The following RC3H1 variants were observed in gnomAD, a reference collection of about 807,000 sequenced individuals.
RC3H1 encodes the protein roquin-1.
RC3H1 carries 50 observed loss-of-function variants against 138.2 expected under a neutral mutation model. That is an observed-to-expected ratio of 0.36 (90% CI 0.29 to 0.46). The LOEUF (loss-of-function observed/expected upper bound fraction) is 0.46. RC3H1 is among the 20% of genes least tolerant of loss of function. The probability of loss-of-function intolerance (pLI) is 1.00; values close to 1 mark genes in which losing one functional copy is unlikely to be tolerated. For synonymous variants in RC3H1, 462 were observed against 489.1 expected (o/e 0.94, Z 0.73); for missense variants, 1,031 against 1,388.1 (o/e 0.74, Z 4.09).
intron 13 of RC3H1, among the ~76,000 whole-genome samples, chr1:173,957,699 T>C (rs1235632083): frequency 6.6e-6 from 1 of 151,794 alleles, no homozygotes; most frequent in East Asian, 1.9e-4. Flanking sequence ...GCTGGGACTG[T>C]AGGCGTGTCC....
chr1:173,958,814 G>GC (rs1553226536), intron 13 of RC3H1, among the ~76,000 whole-genome samples: 2 of 145,190 alleles, frequency 1.4e-5, no homozygotes, highest in Non-Finnish European at 3.0e-5. Context: ...TTATTTGACT[G>GC]TTTTTTTTTT....
Position 173,961,812 on chromosome 1 carries a change from T to A in RC3H1, c.2115A>T (p.Val705=). The A allele has an allele frequency of 6.2e-7, 1 of 1,613,798 alleles. No individual in the cohort carries two copies. Among genetic ancestry groups the A allele is most frequent in the Non-Finnish European group, 8.5e-7 (1 of 1,180,010 alleles). ...EIPPAAVPSY[V]PESRERYQQI... is the part of the protein sequence containing the mutation. ...GTTGGTATCTTTCTCTGGATTCTGGTACATACGATGGTACTGCTGCAGGTG... is the reference window on the plus strand; with the variant it reads ...GTTGGTATCTTTCTCTGGATTCTGGAACATACGATGGTACTGCTGCAGGTG... The change falls in exon 12 of 20, where the codon GTA becomes GTT. Residue 705 remains valine, a synonymous_variant. Transcript: ENST00000367696.
chr1:173,963,731 T>C (rs1659976677), intron 11 of RC3H1, among the ~76,000 whole-genome samples: 1 of 152,220 alleles, frequency 6.6e-6, no homozygotes, highest in South Asian at 2.1e-4. Flanking sequence ...AAATATTATA[T>C]ATGAACACAT....
chr1:173,950,013 A>C (rs1322510979), intron 14 of RC3H1, among the ~76,000 whole-genome samples: 1 of 151,910 alleles, frequency 6.6e-6, no homozygotes, highest in Non-Finnish European at 1.5e-5. Flanking sequence ...CTAAAAATAC[A>C]AAAAAATTAG....
intron 7 of RC3H1, among the ~76,000 whole-genome samples, chr1:173,976,561 T>C (rs1054788119): frequency 2.0e-5 from 3 of 152,096 alleles, no homozygotes; most frequent in Admixed American, 6.6e-5. Context: ...CAAAATAAGT[T>C]TGGATAGAGC....
intron 7 of RC3H1, among the ~76,000 whole-genome samples, chr1:173,974,822 T>C (rs1265074307): frequency 1.3e-5 from 2 of 152,132 alleles, no homozygotes; most frequent in Non-Finnish European, 1.5e-5. Flanking sequence ...GGCTCTTTTG[T>C]TAAAATCAGA....
intron 1 of RC3H1, among the ~76,000 whole-genome samples, chr1:173,998,613 T>C (rs78881967): frequency 0.076 from 11,515 of 152,244 alleles, 630 homozygotes; most frequent in Non-Finnish European, 0.1. Flanking sequence ...GTTCATGGCA[T>C]TGACTGAAGC....
chr1:173,970,884 A>T (rs562439721), intron 8 of RC3H1, among the ~76,000 whole-genome samples: 1 of 152,264 alleles, frequency 6.6e-6, no homozygotes, highest in Admixed American at 6.5e-5. Context: ...TTCTTGAATA[A>T]ATCTCATGGG....
rs1044569225 is a variant in RC3H1, at chr1:173,959,497, G to A, written c.2370+1580C>T. On this transcript the variant is annotated intron_variant, in intron 13 of 19. Transcript: ENST00000367696. The stretch of plus-strand genomic sequence containing the variant: ...GAAAGATGTCACTTCTCAGCCAGGC[G>A]CGGTGGCTCATGCCTGTAATCCCAG... Among the ~76,000 whole-genome samples the A allele has an allele frequency of 3.3e-5, 5 of 152,120 alleles. No individual in the cohort carries two copies. The South Asian group carries it at 6.2e-4, about 19-fold the overall frequency.
At position 173,978,493 on chromosome 1, in the gene RC3H1, C is replaced by T; in HGVS notation, c.1097G>A (p.Ser366Asn). Residue 366 changes from serine to asparagine, a missense_variant, in exon 7 of 20, where the codon AGT becomes AAT. Around this residue, in one of 7 missense-constraint regions of RC3H1, gnomAD observed 142 missense variants for 224.6 expected, o/e 0.63. Coordinates refer to ENST00000367696, the MANE Select transcript of RC3H1 (RefSeq NM_172071.4). ...TTAATTTCCCGTGGGTTTACCTGGA[C>T]TAGGGTCAATGTTTGCTAACAGCTC... Reference protein sequence around the residue: ...HLELLANIDPSPDAPPPTWEQ... With the variant: ...HLELLANIDPNPDAPPPTWEQ... The T allele has an allele frequency of 6.2e-7, 1 of 1,613,826 alleles. No homozygotes were observed. The highest frequency in any genetic ancestry group is 8.5e-7 in the Non-Finnish European group (1 of 1,179,920).
In RC3H1 at chr1:173,933,521, C is replaced by T. The variant is rs1658465998; in HGVS notation, c.*5200G>A. Reference sequence around the variant, plus strand: ...GAAATAAAATCTTAAAAATTCAAATCTTAAGATTTACTTGCTACAATTAAT... The same window carrying T: ...GAAATAAAATCTTAAAAATTCAAATTTTAAGATTTACTTGCTACAATTAAT... On this transcript the variant is annotated 3_prime_UTR_variant, in exon 20 of 20. Transcript: ENST00000367696. 6.6e-6 allele frequency: 1 copy of T among 152,042 alleles called. No homozygotes were observed. Among genetic ancestry groups the T allele is most frequent in the South Asian group, 2.1e-4 (1 of 4,820 alleles). 9.4% of individuals were successfully genotyped at this position (152,042 alleles called of 1,614,324 possible).
rs1022310166 is a variant in RC3H1, at chr1:173,931,108, A to G, written c.*7613T>C. The G allele has an allele frequency of 7.2e-5, 11 of 152,186 alleles. No individual in the cohort carries two copies. Among genetic ancestry groups the G allele is most frequent in the Admixed American group, 6.5e-4 (10 of 15,274 alleles). 9.4% of individuals were successfully genotyped at this position (152,186 alleles called of 1,614,324 possible). A position where few individuals can be genotyped will look rare whatever the true frequency, so the allele number is the denominator to read the frequency against. On this transcript the variant is annotated 3_prime_UTR_variant, in exon 20 of 20. Transcript: ENST00000367696. ...ATGTGTTTGCTCATGCAGATTAGCC[A>G]TTTCTTTATTTTTCACCTAAAAAAG...
chr1:173,967,615 T>C (rs2102954592), intron 9 of RC3H1, among the ~76,000 whole-genome samples: 1 of 152,348 alleles, frequency 6.6e-6, no homozygotes, highest in Non-Finnish European at 1.5e-5. Context: ...TAATTGGCCA[T>C]TAGTATTTCT....
intron 1 of RC3H1, among the ~76,000 whole-genome samples, chr1:173,998,275 T>C (rs988766393): frequency 2.6e-5 from 4 of 152,152 alleles, no homozygotes; most frequent in African/African-American, 9.7e-5. Context: ...AACCTTCCAA[T>C]TGAAACAGAA....
At chr1:173,945,733 A>C (rs566441709) in intron 17 of RC3H1, among the ~76,000 whole-genome samples, 1 of 150,988 alleles carries the variant, frequency 6.6e-6, no homozygotes, top group Non-Finnish European at 1.5e-5. Context: ...TTTGAGACGG[A>C]GTCTCACACT....
chr1:173,957,682 C>T (rs1161521376), intron 13 of RC3H1, among the ~76,000 whole-genome samples: 1 of 152,124 alleles, frequency 6.6e-6, no homozygotes, highest in Non-Finnish European at 1.5e-5. Context: ...CCTCAGCCTC[C>T]CAAGTAGCTG....
intron 1 of RC3H1, among the ~76,000 whole-genome samples, chr1:173,993,707 T>TA (rs1557948701): frequency 6.7e-6 from 1 of 148,508 alleles, no homozygotes; most frequent in Non-Finnish European, 1.5e-5. Context: ...CTCTAATTTT[T>TA]AAAAAATAAA....
Position 173,961,638 on chromosome 1 carries a change from AG to A in RC3H1, c.2202+86del, listed in dbSNP as rs1659882625. The A allele has an allele frequency of 3.4e-6, 4 of 1,179,864 alleles. No homozygotes were observed. In the East Asian group the frequency reaches 9.5e-5, roughly 28 times the overall value. The allele number at this position is 1,179,864 out of a possible 1,614,324, so 73.1% of individuals were successfully genotyped here. A position where few individuals can be genotyped will look rare whatever the true frequency, so the allele number is the denominator to read the frequency against. Reference sequence around the variant, plus strand: ...TCTCTTATAAAAAAGAATTCATCAAAGGGTTATTGTCATTGCATAAAAAGTA... The same window carrying A: ...TCTCTTATAAAAAAGAATTCATCAAAGGTTATTGTCATTGCATAAAAAGTA... On this transcript the variant is annotated intron_variant, in intron 12 of 19. Transcript: ENST00000367696.
chr1:174,002,515 T>C (rs1037905846), intron 1 of RC3H1, among the ~76,000 whole-genome samples: 1 of 152,228 alleles, frequency 6.6e-6, no homozygotes, highest in Non-Finnish European at 1.5e-5. Context: ...CCCACTGGCA[T>C]GCTTAAATCT....
Sources: gnomAD v4.1 joint callset for allele counts (sites outside exome capture counted in the v4.1 genomes callset) on GRCh38, gnomAD v4.1.1 for gene constraint, gnomAD v4.1.1 regional missense constraint, MANE v1.5 for transcripts, NCBI Gene and HGNC (gene_info 2026-07-23, HGNC 2026-07-21) for gene names.